RCC1: variants seen among roughly 807,000 people sequenced by gnomAD.
The protein encoded by RCC1 is regulator of chromosome condensation 1.
A neutral mutation model predicts 44.4 loss-of-function variants in RCC1; 11 were observed. The ratio of observed to expected loss-of-function variants is 0.25; its 90% CI spans 0.16 to 0.41. The LOEUF (loss-of-function observed/expected upper bound fraction) is 0.41. Ranked by LOEUF, RCC1 falls within the 10% of genes least tolerant of loss-of-function variation. RCC1 has a pLI of 1.00. For missense variants in RCC1, 386 were observed against 547.1 expected (o/e 0.71, Z 2.94); for synonymous variants, 213 against 216.5 (o/e 0.98, Z 0.14).
chr1:28,534,866 C>T lies in RCC1; in HGVS notation c.442-184C>T, dbSNP rs148579512. ...TTGTTTATCTCTATTTGCATCCGCTCTCTGACTCCTTGATTATTTTAATGC... is the reference window on the plus strand; with the variant it reads ...TTGTTTATCTCTATTTGCATCCGCTTTCTGACTCCTTGATTATTTTAATGC... On this transcript the variant is annotated intron_variant, in intron 7 of 12. Transcript: ENST00000683442. Among the ~76,000 whole-genome samples the T allele has an allele frequency of 2.0e-5, 3 of 152,240 alleles. 1 individual carries two copies. Among genetic ancestry groups the T allele is most frequent in the Non-Finnish European group, 4.4e-5 (3 of 68,054 alleles).
intron 3 of RCC1, among the ~76,000 whole-genome samples, chr1:28,515,886 A>G (rs1348601354): frequency 2.6e-5 from 4 of 152,132 alleles, no homozygotes; most frequent in Non-Finnish European, 4.4e-5. Context: ...GTCTCTACTA[A>G]AAATACACAA....
At chr1:28,513,541 G>T (rs376111305) in intron 3 of RCC1, among the ~76,000 whole-genome samples, 2 of 151,582 alleles carry the variant, frequency 1.3e-5, no homozygotes, top group South Asian at 4.2e-4. Context: ...GGGTTTTTCA[G>T]TATGACAGTC....
rs771830871 is a variant in RCC1 at position 28,508,814 on chromosome 1, A to ATTTCT, written c.-228-7_-228-3dup. The stretch of plus-strand genomic sequence containing the variant: ...TAGGATCTTCAGGAGTCTAATCATT[A>ATTTCT]TTTCTTTTCTTTTAGGAGAGAAGAC... On this transcript the variant is annotated splice_polypyrimidine_tract_variant and intron_variant, in intron 2 of 12. Transcript: ENST00000683442. The ATTTCT allele has an allele frequency of 3.9e-6, 2 of 517,288 alleles. No individual in the cohort carries two copies. The highest frequency in any genetic ancestry group is 2.0e-5 in the Admixed American group (1 of 51,274). The allele number at this position is 517,288 out of a possible 1,614,324, so 32.0% of individuals were successfully genotyped here.
At chr1:28,535,219 T>A (rs1301328974) in intron 8 of RCC1, 39 bp from the exon 9 acceptor site, 2 of 1,614,200 alleles carry the variant, frequency 1.2e-6, no homozygotes, top group East Asian at 2.2e-5. Flanking sequence ...CCTTGGGCCT[T>A]ACAGTTGTGG....
intron 5 of RCC1, chr1:28,530,698 G>T: frequency 1.4e-5 from 17 of 1,181,422 alleles, no homozygotes; most frequent in Non-Finnish European, 2.0e-5. Flanking sequence ...GGGGCTGGGC[G>T]CCATTGGCTG....
At chr1:28,511,404 T>TTTTTTG (rs1491474085) in intron 3 of RCC1, among the ~76,000 whole-genome samples, 2 of 62,112 alleles carry the variant, frequency 3.2e-5, no homozygotes, top group African/African-American at 1.6e-4. Context: ...TTGTTTTTTG[T>TTTTTTG]TTTTTTTTTT....
At chr1:28,521,616 C>G (rs1158271772) in intron 4 of RCC1, among the ~76,000 whole-genome samples, 1 of 152,150 alleles carries the variant, frequency 6.6e-6, no homozygotes, top group African/African-American at 2.4e-5. Flanking sequence ...GCCTCTGGGA[C>G]TCAAAGAGCA....
intron 7 of RCC1, 26 bp from the exon 8 acceptor site, chr1:28,535,024 A>C: frequency 6.3e-7 from 1 of 1,591,904 alleles, no homozygotes; most frequent in Non-Finnish European, 8.6e-7. Flanking sequence ...GGACTGGCTG[A>C]TAAGTGCCCT....
chr1:28,535,582 C>T (rs1185699086), intron 9 of RCC1: 1 of 854,582 alleles, frequency 1.2e-6, no homozygotes, highest in Admixed American at 2.0e-5. Context: ...ATCACTAAGT[C>T]TACCTACCTG....
rs952102433 is a variant in RCC1 at position 28,538,784 on chromosome 1, A to G, written c.*777A>G. 1.3e-5 allele frequency: 2 copies of G among 152,210 alleles called. No individual in the cohort carries two copies. The highest frequency in any genetic ancestry group is 6.6e-5 in the Admixed American group (1 of 15,266). The allele number at this position is 152,210 out of a possible 1,614,324, so 9.4% of individuals were successfully genotyped here. ...GAGAGGGTGGAGGGTTTTATAAACA[A>G]ACTTAACAGCAATATTGAAAGGAGG... On this transcript the variant is annotated 3_prime_UTR_variant, in exon 13 of 13. Coordinates refer to ENST00000683442, the MANE Select transcript of RCC1 (RefSeq NM_001381865.2).
intron 3 of RCC1, chr1:28,509,701 G>A (rs1051898820): frequency 3.3e-5 from 5 of 152,336 alleles, no homozygotes; most frequent in African/African-American, 1.2e-4. Flanking sequence ...TGGTACTGTT[G>A]AAGGAAACTA....
intron 5 of RCC1, among the ~76,000 whole-genome samples, chr1:28,531,114 A>C (rs891927208): frequency 1.3e-5 from 2 of 152,084 alleles, no homozygotes; most frequent in African/African-American, 4.8e-5. Context: ...CTGTAGTCCC[A>C]GCTACTCAGG....
At chr1:28,527,356 C>G (rs1464384154) in intron 4 of RCC1, 1 of 473,922 alleles carries the variant, frequency 2.1e-6, no homozygotes, top group Admixed American at 3.3e-5. Context: ...CCTCCCACCT[C>G]AGCCTCCTGA....
chr1:28,507,205 C>T (rs914843717), intron 1 of RCC1: 2 of 382,084 alleles, frequency 5.2e-6, no homozygotes, highest in African/African-American at 2.1e-5. Context: ...ATTAGAATAG[C>T]TGAATATGCA....
At chr1:28,511,408 T>C (rs1269038869) in intron 3 of RCC1, among the ~76,000 whole-genome samples, 1 of 145,624 alleles carries the variant, frequency 6.9e-6, no homozygotes, top group African/African-American at 2.8e-5. Flanking sequence ...TTTTTGTTTT[T>C]TTTTTTTTTT....
intron 4 of RCC1, among the ~76,000 whole-genome samples, chr1:28,519,971 A>C (rs918214720): frequency 6.6e-6 from 1 of 151,770 alleles, no homozygotes; most frequent in Non-Finnish European, 1.5e-5. Flanking sequence ...TCCCGGGTTC[A>C]AGCGATTCTC....
intron 3 of RCC1, among the ~76,000 whole-genome samples, chr1:28,512,840 G>C (rs1471841553): frequency 1.3e-5 from 2 of 152,030 alleles, no homozygotes; most frequent in African/African-American, 4.8e-5. Flanking sequence ...GTCTCCAAAG[G>C]CTGGAGTGCA....
chr1:28,530,732 C>T (rs1243345667), intron 5 of RCC1: 2 of 763,808 alleles, frequency 2.6e-6, no homozygotes, highest in Admixed American at 6.2e-5. Context: ...GTTGGGGGGC[C>T]GCCTTTGGCC....
chr1:28,530,453 A>C, intron 5 of RCC1: 12 of 1,406,448 alleles, frequency 8.5e-6, no homozygotes, highest in Non-Finnish European at 1.1e-5. Context: ...GACAGGGAGG[A>C]GAGAAAAGCC....
Sources: allele counts gnomAD v4.1 joint callset (sites outside exome capture counted in the v4.1 genomes callset), GRCh38; gene constraint gnomAD v4.1.1; transcripts MANE v1.5; gene names NCBI Gene and HGNC (gene_info 2026-07-23, HGNC 2026-07-21).